The following COL4A1 variants were observed in gnomAD, a reference collection of about 807,000 sequenced individuals.
COL4A1 encodes the protein collagen alpha-1(IV) chain.
A neutral mutation model predicts 216.6 loss-of-function variants in COL4A1; 40 were observed. That is an observed-to-expected ratio of 0.18 (90% CI 0.14 to 0.24). The LOEUF (loss-of-function observed/expected upper bound fraction) is 0.24. Among genes scored for constraint, COL4A1 ranks in the 10% least tolerant of loss-of-function variants. The pLI is 1.00. For synonymous variants in COL4A1, 839 were observed against 810.7 expected (o/e 1.03, Z -0.59); for missense variants, 1,628 against 2,196.8 (o/e 0.74, Z 5.18).
In COL4A1 at chr13:110,177,897, G is replaced by T. The variant is rs749161789; in HGVS notation, c.2661C>A (p.Pro887=). Residue 887 remains proline, a synonymous_variant, in exon 33 of 52, where the codon CCC becomes CCA. Coordinates refer to ENST00000375820, the MANE Select transcript of COL4A1 (RefSeq NM_001845.6). ...SKGEMGVMGT[P]GQPGSPGPVG... ...CTGGTCCTGGTGAGCCCGGCTGCCC[G>T]GGGGTCCCCATGACGCCCATTTCTC... 1.2e-6 allele frequency: 2 copies of T among 1,613,956 alleles called. No individual in the cohort carries two copies. The highest frequency in any genetic ancestry group is 1.7e-6 in the Non-Finnish European group (2 of 1,180,012).
chr13:110,178,402 C>T (rs1447917559), intron 31 of COL4A1, among the ~76,000 whole-genome samples, 171 bp from the exon 32 acceptor site: 1 of 152,184 alleles, frequency 6.6e-6, no homozygotes, highest in South Asian at 2.1e-4. Context: ...TCAGGATAAT[C>T]AAATGGCTCT....
intron 1 of COL4A1, among the ~76,000 whole-genome samples, chr13:110,274,938 T>G (rs770418283): frequency 6.6e-6 from 1 of 152,202 alleles, no homozygotes; most frequent in Non-Finnish European, 1.5e-5. Flanking sequence ...AAGCAAAATA[T>G]GCATTCTCTC....
At chr13:110,244,780 A>T (rs1396245257) in intron 1 of COL4A1, among the ~76,000 whole-genome samples, 1 of 152,182 alleles carries the variant, frequency 6.6e-6, no homozygotes, top group Non-Finnish European at 1.5e-5. Context: ...AGGCTCCCGT[A>T]GCATTGAGCC....
chr13:110,175,232 G>C lies in COL4A1; in HGVS notation c.3184C>G (p.Leu1062Val). The change falls in exon 37 of 52, where the codon CTG becomes GTG. Residue 1062 changes from leucine to valine, a missense_variant. Leu to Val is a conservative substitution (Grantham distance 32). Coordinates refer to ENST00000375820, the MANE Select transcript of COL4A1 (RefSeq NM_001845.6). The part of the protein sequence containing the change: ...AGPPGIGIPG[L>V]RGEKGDQGIA... ...GCGCTGGTTACCTTTTCACCTCGCA[G>C]CCCTGGGATGCCTATGCCAGGTGGG... The C allele has an allele frequency of 3.1e-6, 5 of 1,614,216 alleles. No homozygotes were observed. Among genetic ancestry groups the C allele is most frequent in the Non-Finnish European group, 4.2e-6 (5 of 1,180,042 alleles).
At chr13:110,178,864 C>A in intron 31 of COL4A1, 59 bp downstream of exon 31, 1 of 1,321,626 alleles carries the variant, frequency 7.6e-7, no homozygotes, top group East Asian at 2.4e-5. Context: ...GGCCTCATCC[C>A]CCATGCTTCA....
At chr13:110,155,175 AGCAGCGAGAT>A (rs759852892) in intron 50 of COL4A1, 98 bp downstream of exon 50, 282 of 820,874 alleles carry the variant, frequency 3.4e-4, no homozygotes, top group Non-Finnish European at 5.1e-4. Context: ...GAGGGGCTTA[AGCAGCGAGAT>A]GCAGAGAACT....
intron 51 of COL4A1, 65 bp from the exon 52 acceptor site, chr13:110,150,509 C>T (rs1876453425): frequency 6.7e-7 from 1 of 1,499,058 alleles, no homozygotes; most frequent in Non-Finnish European, 9.2e-7. Flanking sequence ...ACATGGCACT[C>T]CTGCCCTGCT....
At chr13:110,167,041 G>A in intron 44 of COL4A1, 117 bp downstream of exon 44, 1 of 844,580 alleles carries the variant, frequency 1.2e-6, no homozygotes, top group Non-Finnish European at 2.1e-6. Context: ...GAAGAGAACA[G>A]TATCTCGTGC....
chr13:110,269,988 A>T (rs1452097540), intron 1 of COL4A1, among the ~76,000 whole-genome samples: 3 of 152,078 alleles, frequency 2.0e-5, no homozygotes, highest in African/African-American at 7.2e-5. Flanking sequence ...GCCAGAATGA[A>T]ACCAGATCTG....
intron 18 of COL4A1, 73 bp from the exon 19 acceptor site, chr13:110,201,595 G>A: frequency 8.3e-7 from 1 of 1,198,170 alleles, no homozygotes. Context: ...AGCAGTATGA[G>A]TGAAGAAATG....
At chr13:110,192,942 G>A (rs551919950) in intron 22 of COL4A1, 29 bp from the exon 23 acceptor site, 28 of 1,598,008 alleles carry the variant, frequency 1.8e-5, no homozygotes, top group Admixed American at 8.3e-5. Context: ...AGGTGCTTAC[G>A]TGTAACATGT....
chr13:110,201,877 G>T (rs1879265952), intron 18 of COL4A1, among the ~76,000 whole-genome samples: 1 of 152,212 alleles, frequency 6.6e-6, no homozygotes, highest in East Asian at 1.9e-4. Context: ...AGCTACTTGG[G>T]AGGCTGAGAC....
At chr13:110,219,710 ATGTGTATATATATG>A (rs1594593766) in intron 2 of COL4A1, among the ~76,000 whole-genome samples, 3 of 100,514 alleles carry the variant, frequency 3.0e-5, no homozygotes, top group Non-Finnish European at 4.0e-5. Context: ...GTATATACAT[ATGTGTATATATATG>A]TGTGTATATA....
chr13:110,169,337 G>T (rs1295327021), intron 43 of COL4A1, among the ~76,000 whole-genome samples: 1 of 152,110 alleles, frequency 6.6e-6, no homozygotes, highest in Non-Finnish European at 1.5e-5. Flanking sequence ...TTTAGGCATT[G>T]AGCCATAATT....
chr13:110,149,329 C>G lies in COL4A1; in HGVS notation c.*1034G>C, dbSNP rs759122507. 1.9e-4 allele frequency: 29 copies of G among 154,760 alleles called. No individual in the cohort carries two copies. The highest frequency in any genetic ancestry group is 4.6e-4 in the Admixed American group (7 of 15,284). 9.6% of individuals were successfully genotyped at this position (154,760 alleles called of 1,614,324 possible). A position where few individuals can be genotyped will look rare whatever the true frequency, so the allele number is the denominator to read the frequency against. On this transcript the variant is annotated 3_prime_UTR_variant, in exon 52 of 52. Coordinates refer to ENST00000375820, the MANE Select transcript of COL4A1 (RefSeq NM_001845.6). Reference sequence around the variant, plus strand: ...ACTGTGATTCAACAGAGCTGTTTTTCAAGCCAGGATGCAGAATGAGGAATA... The same window carrying G: ...ACTGTGATTCAACAGAGCTGTTTTTGAAGCCAGGATGCAGAATGAGGAATA...
intron 2 of COL4A1, among the ~76,000 whole-genome samples, chr13:110,230,720 G>A (rs927333157): frequency 5.3e-5 from 8 of 152,310 alleles, no homozygotes; most frequent in Admixed American, 2.0e-4. Context: ...TGTTCCTCAC[G>A]TTTGCTGGAA....
At chr13:110,287,672 G>C (rs1883896226) in intron 1 of COL4A1, among the ~76,000 whole-genome samples, 1 of 152,248 alleles carries the variant, frequency 6.6e-6, no homozygotes, top group Admixed American at 6.5e-5. Flanking sequence ...GGATGGCCTT[G>C]CCTGGGCGGC....
chr13:110,165,754 T>A (rs1439285278), intron 45 of COL4A1, among the ~76,000 whole-genome samples: 1 of 152,166 alleles, frequency 6.6e-6, no homozygotes, highest in Non-Finnish European at 1.5e-5. Flanking sequence ...GCTTAAACCA[T>A]TCCCTTTTGA....
At position 110,174,858 on chromosome 13, in the gene COL4A1, A is replaced by C. The variant is rs1023660985; in HGVS notation, c.3199-109T>G. ...TTTGGTGCAATGAATATTGCATTGC[A>C]AAACTCCATTTCCAGATTTCTCATC... On this transcript the variant is annotated intron_variant, in intron 37 of 51. Coordinates refer to ENST00000375820, the MANE Select transcript of COL4A1 (RefSeq NM_001845.6). 2.0e-5 allele frequency: 22 copies of C among 1,078,822 alleles called. No homozygotes were observed. In the Admixed American group the frequency reaches 3.5e-4, roughly 17 times the overall value. The allele number at this position is 1,078,822 out of a possible 1,614,324, so 66.8% of individuals were successfully genotyped here. A position where few individuals can be genotyped will look rare whatever the true frequency, so the allele number is the denominator to read the frequency against.
Sources: gnomAD v4.1 joint callset for allele counts (sites outside exome capture counted in the v4.1 genomes callset) on GRCh38, gnomAD v4.1.1 for gene constraint, MANE v1.5 for transcripts, NCBI Gene and HGNC (gene_info 2026-07-23, HGNC 2026-07-21) for gene names.